Variants in LRFN2 observed in about 807,000 individuals in gnomAD.
LRFN2 encodes the protein leucine-rich repeat and fibronectin type-III domain-containing protein 2.
LRFN2 carries 18 observed loss-of-function variants against 37.3 expected under a neutral mutation model. That is an observed-to-expected ratio of 0.48 (90% CI 0.33 to 0.72). LRFN2 has a LOEUF of 0.72. Ranked by LOEUF, LRFN2 falls within the 30% of genes least tolerant of loss-of-function variation. LRFN2 has a pLI of 0.02. For synonymous variants in LRFN2, 556 were observed against 466.6 expected, an observed-to-expected ratio of 1.19 and a Z score of -2.47; for missense variants, 1,006 against 1,060.7, an observed-to-expected ratio of 0.95 and a Z score of 0.72.
chr6:40,553,226 C>T (rs1766811179), intron 1 of LRFN2, among the ~76,000 whole-genome samples: 1 of 152,192 alleles, frequency 6.6e-6, no homozygotes, highest in African/African-American at 2.4e-5. Context: ...CCACCTGACT[C>T]TTTAAGGAAA....
intron 1 of LRFN2, among the ~76,000 whole-genome samples, chr6:40,564,399 C>T (rs1258933763): frequency 1.3e-5 from 2 of 152,188 alleles, no homozygotes; most frequent in Admixed American, 6.5e-5. Context: ...TTCCTGCTGT[C>T]ATAGAGTTTA....
Position 40,480,422 on chromosome 6 carries a change from G to T in LRFN2, c.-18-47291C>A, listed in dbSNP as rs1481916983. The stretch of plus-strand genomic sequence containing the variant: ...GCCTCTGAAGCAGCTGGGACTAAAA[G>T]CATGTGCCAGAACACCGGTTATTTT... On this transcript the variant is annotated intron_variant, in intron 1 of 2. Coordinates refer to ENST00000338305, the MANE Select transcript of LRFN2 (RefSeq NM_020737.3). Among the ~76,000 whole-genome samples the T allele has an allele frequency of 3.3e-5, 5 of 152,248 alleles. No individual in the cohort carries two copies. In the South Asian group the frequency reaches 6.2e-4, roughly 19 times the overall value.
chr6:40,460,105 G>T (rs952833087), intron 1 of LRFN2, among the ~76,000 whole-genome samples: 81 of 152,238 alleles, frequency 5.3e-4, no homozygotes, highest in African/African-American at 1.8e-3. Flanking sequence ...GCGGTTGGAA[G>T]TTCAGAAGTC....
intron 1 of LRFN2, among the ~76,000 whole-genome samples, chr6:40,482,842 G>A (rs545260484): frequency 5.3e-5 from 8 of 152,346 alleles, no homozygotes; most frequent in African/African-American, 1.9e-4. Flanking sequence ...CAGAGTACAG[G>A]CAGATAAGTG....
chr6:40,584,628 A>G (rs1767467951), intron 1 of LRFN2, among the ~76,000 whole-genome samples: 1 of 152,132 alleles, frequency 6.6e-6, no homozygotes, highest in South Asian at 2.1e-4. Context: ...TATCTACCTT[A>G]GGAAAGGGGA....
chr6:40,488,664 C>T (rs1215954533), intron 1 of LRFN2, among the ~76,000 whole-genome samples: 1 of 152,188 alleles, frequency 6.6e-6, no homozygotes, highest in Non-Finnish European at 1.5e-5. Flanking sequence ...GCTTCAACAT[C>T]TCCTCCAGGA....
intron 1 of LRFN2, among the ~76,000 whole-genome samples, chr6:40,551,813 A>G (rs1004024087): frequency 4.6e-5 from 7 of 152,222 alleles, no homozygotes; most frequent in Admixed American, 1.3e-4. Context: ...AGAAATTTTT[A>G]TAAATATAAT....
At chr6:40,526,693 T>C (rs1766260737) in intron 1 of LRFN2, among the ~76,000 whole-genome samples, 1 of 152,236 alleles carries the variant, frequency 6.6e-6, no homozygotes, top group Non-Finnish European at 1.5e-5. Context: ...GGCTTCCTTT[T>C]GGATGTGGCC....
intron 1 of LRFN2, among the ~76,000 whole-genome samples, chr6:40,527,745 G>T (rs1441521696): frequency 6.6e-6 from 1 of 152,208 alleles, no homozygotes; most frequent in Non-Finnish European, 1.5e-5. Flanking sequence ...TTAATGATCA[G>T]TTAATGATGC....
chr6:40,568,176 G>A (rs1767123330), intron 1 of LRFN2, among the ~76,000 whole-genome samples: 1 of 152,184 alleles, frequency 6.6e-6, no homozygotes. Flanking sequence ...CTAAGCCTCA[G>A]TCAAGGTTTG....
intron 1 of LRFN2, among the ~76,000 whole-genome samples, chr6:40,509,491 G>C (rs1036289): frequency 0.47 from 70,908 of 152,204 alleles, 16,900 homozygotes; most frequent in East Asian, 0.6. Flanking sequence ...GCACAGAAAA[G>C]AGAGTGTGCT....
chr6:40,507,952 C>T (rs1410070409), intron 1 of LRFN2, among the ~76,000 whole-genome samples: 1 of 152,144 alleles, frequency 6.6e-6, no homozygotes, highest in African/African-American at 2.4e-5. Context: ...CATAGCTGTC[C>T]TCAAGGTGGG....
intron 2 of LRFN2, among the ~76,000 whole-genome samples, chr6:40,406,652 G>C (rs546886740): frequency 4.7e-4 from 72 of 152,322 alleles, no homozygotes; most frequent in Non-Finnish European, 8.2e-4. Flanking sequence ...GGACAACTCT[G>C]AGTGACTCAT....
At chr6:40,547,501 TAG>T (rs1766688533) in intron 1 of LRFN2, among the ~76,000 whole-genome samples, 1 of 152,178 alleles carries the variant, frequency 6.6e-6, no homozygotes, top group Non-Finnish European at 1.5e-5. Flanking sequence ...GTATGCGCCC[TAG>T]TTCCCCTATA....
chr6:40,532,552 A>G (rs1468042739), intron 1 of LRFN2, among the ~76,000 whole-genome samples: 1 of 152,190 alleles, frequency 6.6e-6, no homozygotes, highest in Admixed American at 6.5e-5. Context: ...ATTAAATCCA[A>G]GTTGTCTGAT....
chr6:40,472,532 T>C (rs368984282), intron 1 of LRFN2, among the ~76,000 whole-genome samples: 20 of 152,166 alleles, frequency 1.3e-4, no homozygotes, highest in African/African-American at 4.8e-4. Flanking sequence ...CAAATGACCT[T>C]GGGGGGCCTG....
chr6:40,489,225 C>G (rs1254265524), intron 1 of LRFN2, among the ~76,000 whole-genome samples: 11 of 152,176 alleles, frequency 7.2e-5, no homozygotes, highest in African/African-American at 2.7e-4. Context: ...ATAAAGACCT[C>G]CCACCAGAAA....
chr6:40,472,418 G>T (rs1368303610), intron 1 of LRFN2, among the ~76,000 whole-genome samples: 2 of 152,230 alleles, frequency 1.3e-5, no homozygotes. Flanking sequence ...CTCTGCTGTT[G>T]GCCACAGCAG....
intron 2 of LRFN2, among the ~76,000 whole-genome samples, chr6:40,411,825 G>A (rs763394604): frequency 6.6e-6 from 1 of 151,964 alleles, no homozygotes; most frequent in Non-Finnish European, 1.5e-5. Flanking sequence ...TTTCTTTTTT[G>A]TGTGGCACTC....
Sources: allele counts gnomAD v4.1 joint callset (sites outside exome capture counted in the v4.1 genomes callset), GRCh38; gene constraint gnomAD v4.1.1; transcripts MANE v1.5; gene names NCBI Gene and HGNC (gene_info 2026-07-23, HGNC 2026-07-21).